Variants in PIK3CB observed in about 807,000 individuals in gnomAD.
The protein encoded by PIK3CB is phosphatidylinositol-4,5-bisphosphate 3-kinase catalytic subunit beta, also known as phosphatidylinositol 4,5-bisphosphate 3-kinase catalytic subunit beta isoform.
PIK3CB carries 39 observed loss-of-function variants against 136.8 expected under a neutral mutation model. That is an observed-to-expected ratio of 0.29 (90% CI 0.22 to 0.37). The LOEUF (loss-of-function observed/expected upper bound fraction) is 0.37, where lower values mean the gene tolerates loss of function less well. PIK3CB is among the 10% of genes least tolerant of loss of function. PIK3CB has a pLI of 1.00. For missense variants in PIK3CB, 868 were observed against 1,275.4 expected (o/e 0.68, Z 4.87); for synonymous variants, 428 against 436.6 (o/e 0.98, Z 0.25).
intron 14 of PIK3CB, 37 bp from the exon 15 acceptor site, chr3:138,691,180 A>G: frequency 1.3e-6 from 2 of 1,586,722 alleles, no homozygotes; most frequent in Non-Finnish European, 1.7e-6. Flanking sequence ...TAACCAAACA[A>G]CCTGTGCCAG....
chr3:138,830,812 G>A (rs948280353), intron 1 of PIK3CB, among the ~76,000 whole-genome samples: 1 of 147,332 alleles, frequency 6.8e-6, no homozygotes, highest in African/African-American at 2.5e-5. Flanking sequence ...TGAGGCAGGA[G>A]AATGGCGTGA....
chr3:138,763,824 T>G (rs1470516880), intron 2 of PIK3CB, among the ~76,000 whole-genome samples: 1 of 152,096 alleles, frequency 6.6e-6, no homozygotes, highest in Non-Finnish European at 1.5e-5. Flanking sequence ...AAAAATTTCT[T>G]GATGAAGGCC....
At chr3:138,831,658 G>A (rs1276277566) in intron 1 of PIK3CB, among the ~76,000 whole-genome samples, 1 of 152,080 alleles carries the variant, frequency 6.6e-6, no homozygotes, top group African/African-American at 2.4e-5. Flanking sequence ...CAGGCACAGT[G>A]GCTGACGCCT....
chr3:138,746,977 G>A, intron 4 of PIK3CB, among the ~76,000 whole-genome samples: 1 of 143,090 alleles, frequency 7.0e-6, no homozygotes, highest in East Asian at 2.1e-4. Flanking sequence ...TACTTATACT[G>A]GATTGATTTA....
At chr3:138,747,745 C>G (rs1287766285) in intron 4 of PIK3CB, among the ~76,000 whole-genome samples, 1 of 151,942 alleles carries the variant, frequency 6.6e-6, no homozygotes, top group African/African-American at 2.4e-5. Flanking sequence ...GGCTGTGATT[C>G]GTCTGCAAGT....
In PIK3CB at chr3:138,759,274, T is replaced by G; in HGVS notation, c.70A>C (p.Ile24Leu). ...ILDIWAVDSQ[I>L]ASDGSIPVDF... ...ACAGGTATGGAGCCATCAGATGCTA[T>G]CTGTGAATCCACCGCCCAGATGTCA... is the stretch of plus-strand genomic sequence containing the variant. Residue 24 changes from isoleucine (I) to leucine (L), a missense_variant, in exon 3 of 24, where the codon ATA becomes CTA. Coordinates refer to ENST00000674063, the MANE Select transcript of PIK3CB (RefSeq NM_006219.3). 6.2e-7 allele frequency: 1 copy of G among 1,613,212 alleles called. No individual in the cohort carries two copies. The highest frequency in any genetic ancestry group is 1.1e-5 in the South Asian group (1 of 91,032).
At chr3:138,697,971 G>A (rs1185754872) in intron 13 of PIK3CB, among the ~76,000 whole-genome samples, 2 of 152,128 alleles carry the variant, frequency 1.3e-5, no homozygotes, top group African/African-American at 4.8e-5. Flanking sequence ...GAGCTCAAGC[G>A]ATCCACCTGC....
At position 138,749,205 on chromosome 3, in the gene PIK3CB, G is replaced by C. The variant is rs182415767; in HGVS notation, c.398-6424C>G. ...ATTACAGGTGACGAAAGGGAAATAA[G>C]TACCCAATAATATATACATCTAACA... On this transcript the variant is annotated intron_variant, in intron 4 of 23. Transcript: ENST00000674063. Among the ~76,000 whole-genome samples the C allele has an allele frequency of 2.6e-4, 39 of 152,226 alleles. No individual in the cohort carries two copies. The East Asian group carries it at 6.6e-3, about 26-fold the overall frequency.
intron 14 of PIK3CB, among the ~76,000 whole-genome samples, chr3:138,693,050 A>G (rs1179775351): frequency 6.6e-6 from 1 of 152,212 alleles, no homozygotes; most frequent in Non-Finnish European, 1.5e-5. Context: ...ATAATGGGAG[A>G]GACTAACCTC....
chr3:138,747,054 TTATATATATATATATATATATATATA>T lies in PIK3CB; in HGVS notation c.398-4299_398-4274del, dbSNP rs59299476. Among the ~76,000 whole-genome samples, 308 of 42,246 alleles carry T rather than the reference TTATATATATATATATATATATATATA, an allele frequency of 7.3e-3. 10 individuals carry two copies. The highest frequency in any genetic ancestry group is 0.024 in the East Asian group (24 of 980). 27.7% of individuals were successfully genotyped at this position (42,246 alleles called of 152,430 possible). A position where few individuals can be genotyped will look rare whatever the true frequency, so the allele number is the denominator to read the frequency against. Reference sequence around the variant, plus strand: ...CAGTACATATCAAGCTATTCAGCCTTTATATATATATATATATATATATATATATATATATATATATATATATATAT... The same window carrying T: ...CAGTACATATCAAGCTATTCAGCCTTTATATATATATATATATATATATAT... On this transcript the variant is annotated intron_variant, in intron 4 of 23. Transcript: ENST00000674063.
intron 9 of PIK3CB, among the ~76,000 whole-genome samples, chr3:138,713,445 G>C (rs1481136922): frequency 6.6e-6 from 1 of 152,086 alleles, no homozygotes; most frequent in Non-Finnish European, 1.5e-5. Context: ...GCCGAGGCGG[G>C]TGAATCACAA....
chr3:138,790,739 A>C (rs1377820575), intron 2 of PIK3CB, among the ~76,000 whole-genome samples: 8 of 150,948 alleles, frequency 5.3e-5, no homozygotes, highest in African/African-American at 1.9e-4. Flanking sequence ...GCGTGAGCCC[A>C]GGAGGCAGAG....
intron 21 of PIK3CB, among the ~76,000 whole-genome samples, chr3:138,658,470 A>C (rs569670938): frequency 2.6e-5 from 4 of 152,028 alleles, no homozygotes; most frequent in East Asian, 1.9e-4. Flanking sequence ...ACAACAACAA[A>C]AAAGTACATC....
intron 2 of PIK3CB, among the ~76,000 whole-genome samples, chr3:138,774,611 T>G (rs1455155733): frequency 2.6e-5 from 4 of 152,288 alleles, no homozygotes; most frequent in Middle Eastern, 3.4e-3. Flanking sequence ...AATGACTGTT[T>G]GTGTAGCAGA....
At chr3:138,796,262 G>C (rs1336020794) in intron 2 of PIK3CB, among the ~76,000 whole-genome samples, 1 of 151,780 alleles carries the variant, frequency 6.6e-6, no homozygotes, top group Non-Finnish European at 1.5e-5. Context: ...GCATGTGCCT[G>C]TAATCCCAGC....
chr3:138,685,420 A>AAAAAAAAAAAAAAAAAAAAAAAGAAAG (rs2043866681), intron 16 of PIK3CB, among the ~76,000 whole-genome samples: 4 of 86,926 alleles, frequency 4.6e-5, no homozygotes, highest in Non-Finnish European at 9.2e-5. Flanking sequence ...AAAAAAAAAA[A>AAAAAAAAAAAAAAAAAAAAAAAGAAAG]AAAGAAAGAA....
intron 10 of PIK3CB, among the ~76,000 whole-genome samples, chr3:138,711,849 C>G (rs2044507243): frequency 6.6e-6 from 1 of 151,734 alleles, no homozygotes; most frequent in African/African-American, 2.4e-5. Context: ...AGGTCAGTAA[C>G]AGTGGCTCAT....
rs183054366 is a variant in PIK3CB at position 138,722,995 on chromosome 3, C to A, written c.1051-8276G>T. Among the ~76,000 whole-genome samples the A allele has an allele frequency of 1.1e-3, 170 of 151,204 alleles. 1 individual carries two copies. The highest frequency in any genetic ancestry group is 4.0e-3 in the African/African-American group (167 of 41,250). On this transcript the variant is annotated intron_variant, in intron 8 of 23. Coordinates refer to ENST00000674063, the MANE Select transcript of PIK3CB (RefSeq NM_006219.3). ...ACCATAATTATTAAAGTTGACAAAT[C>A]GTTAAAAAGAAACAAGAGTAGGAAA... is the stretch of plus-strand genomic sequence containing the variant.
intron 18 of PIK3CB, 78 bp downstream of exon 18, chr3:138,683,600 C>T: frequency 1.3e-6 from 1 of 796,884 alleles, no homozygotes. Flanking sequence ...TTACACTACA[C>T]ATCACCTTTC....
Sources: gnomAD v4.1 joint callset for allele counts (sites outside exome capture counted in the v4.1 genomes callset) on GRCh38, gnomAD v4.1.1 for gene constraint, MANE v1.5 for transcripts, NCBI Gene and HGNC (gene_info 2026-07-23, HGNC 2026-07-21) for gene names.